CRBN: variants seen among roughly 807,000 people sequenced by gnomAD.
CRBN encodes cereblon, also known as protein cereblon.
Under a neutral mutation model 62.2 loss-of-function variants are expected in CRBN, and 53 were observed. That is an observed-to-expected ratio of 0.85 (90% CI 0.68 to 1.07). The LOEUF (loss-of-function observed/expected upper bound fraction) is 1.07. Among genes scored for constraint, CRBN ranks in the 50% least tolerant of loss-of-function variants. The probability of loss-of-function intolerance (pLI) is 0.00; values close to 1 mark genes in which losing one functional copy is unlikely to be tolerated. For missense variants in CRBN, 616 were observed against 531.1 expected (o/e 1.16, Z -1.57); for synonymous variants, 208 against 176.1 (o/e 1.18, Z -1.43).
chr3:3,172,878 T>A lies in CRBN; in HGVS notation c.425A>T (p.Tyr142Phe). 6.2e-7 allele frequency: 1 copy of A among 1,613,656 alleles called. No homozygotes were observed. Among genetic ancestry groups the A allele is most frequent in the Non-Finnish European group, 8.5e-7 (1 of 1,179,540 alleles). ...AAAATCCTGTTCTTCTCGATAGGCA[T>A]ATATCTCTGCTGTTGTTCCAAACTG... Reference protein sequence around the residue: ...EAQFGTTAEIYAYREEQDFGI... With the variant: ...EAQFGTTAEIFAYREEQDFGI... The change falls in exon 4 of 11, where the codon TAT becomes TTT. Residue 142 changes from tyrosine (Y) to phenylalanine (F), a missense_variant. Physicochemically the swap from Tyr to Phe is conservative, Grantham distance 22. Transcript: ENST00000231948.
chr3:3,150,679 T>TTA lies in CRBN; in HGVS notation c.*185_*186insTA. 1 of 591,708 alleles carries TTA rather than the reference T, an allele frequency of 1.7e-6. No individual in the cohort carries two copies. The highest frequency in any genetic ancestry group is 2.9e-6 in the Non-Finnish European group (1 of 342,788). 36.7% of individuals were successfully genotyped at this position (591,708 alleles called of 1,614,324 possible). A position where few individuals can be genotyped will look rare whatever the true frequency, so the allele number is the denominator to read the frequency against. On this transcript the variant is annotated 3_prime_UTR_variant, in exon 11 of 11. Transcript: ENST00000231948. ...ATTCTAGACTGCCGTTCATGCTTGT[T>TTA]TCCTAAAGTATACTTAAAAGTTTCA...
At chr3:3,165,725 T>C (rs1038664633) in intron 5 of CRBN, among the ~76,000 whole-genome samples, 18 of 152,172 alleles carry the variant, frequency 1.2e-4, no homozygotes, top group Non-Finnish European at 2.1e-4. Flanking sequence ...ACTTGTTTTA[T>C]TGCAGCAGTT....
At position 3,175,144 on chromosome 3, in the gene CRBN, C is replaced by A. The variant is rs1707780302; in HGVS notation, c.174+19G>T. 1 of 1,437,758 alleles carries A rather than the reference C, an allele frequency of 7.0e-7. No homozygotes were observed. Among genetic ancestry groups the A allele is most frequent in the Non-Finnish European group, 9.8e-7 (1 of 1,020,036 alleles). 89.1% of individuals were successfully genotyped at this position (1,437,758 alleles called of 1,614,324 possible). On this transcript the variant is annotated intron_variant, in intron 2 of 10. Coordinates refer to ENST00000231948, the MANE Select transcript of CRBN (RefSeq NM_016302.4). Reference sequence around the variant, plus strand: ...TAAATGTATATCTATTATATTAGATCTGTCACTAAATTACATACTGTATGT... The same window carrying A: ...TAAATGTATATCTATTATATTAGATATGTCACTAAATTACATACTGTATGT...
chr3:3,158,131 G>C (rs1229826829), intron 5 of CRBN, among the ~76,000 whole-genome samples: 1 of 152,172 alleles, frequency 6.6e-6, no homozygotes, highest in African/African-American at 2.4e-5. Flanking sequence ...TTCCAAAGAT[G>C]GGGTGGAGGA....
intron 5 of CRBN, among the ~76,000 whole-genome samples, chr3:3,161,168 G>A (rs1483777772): frequency 1.3e-5 from 2 of 151,808 alleles, no homozygotes; most frequent in African/African-American, 4.8e-5. Flanking sequence ...AAAAACAAAA[G>A]ACAAAAGACA....
At chr3:3,156,659 A>T in intron 5 of CRBN, 1 of 217,518 alleles carries the variant, frequency 4.6e-6, no homozygotes, top group Non-Finnish European at 9.2e-6. Flanking sequence ...TATAATCCAA[A>T]CTGTTTTTGT....
intron 7 of CRBN, chr3:3,154,352 ATAACT>A: frequency 2.1e-6 from 1 of 482,224 alleles, no homozygotes; most frequent in African/African-American, 1.9e-5. Context: ...GACTAGAAAA[ATAACT>A]AAACTATACC....
chr3:3,161,482 G>A (rs181431557), intron 5 of CRBN, among the ~76,000 whole-genome samples: 6 of 152,232 alleles, frequency 3.9e-5, no homozygotes, highest in East Asian at 3.9e-4. Context: ...CTCGCCTCCC[G>A]GGTTCCAGTG....
rs1707679668 is a variant in CRBN at position 3,172,922 on chromosome 3, A to G, written c.381T>C (p.Asn127=). 3 of 1,613,430 alleles carry G rather than the reference A, an allele frequency of 1.9e-6. No individual in the cohort carries two copies. Among genetic ancestry groups the G allele is most frequent in the Non-Finnish European group, 1.7e-6 (2 of 1,179,448 alleles). The part of the protein sequence containing the change: ...DRTFAVLAYS[N]VQEREAQFGT... ...CAAACTGTGCTTCCCTTTCCTGTAC[A>G]TTGCTTCCAAGAAAATTTTAAAAGG... The change falls in exon 4 of 11, where the codon AAT becomes AAC. Residue 127 remains asparagine, a synonymous_variant. Transcript: ENST00000231948.
chr3:3,174,100 A>T lies in CRBN; in HGVS notation c.336T>A (p.Asn112Lys). ...FHPQEVSMVR[N>K]LIQKDRTFAV... is the part of the protein sequence containing the mutation. ...CAAAGGTTCTATCTTTCTGAATTAAATTCCGCACCATACTGACTTCTTGAG... is the reference window on the plus strand; with the variant it reads ...CAAAGGTTCTATCTTTCTGAATTAATTTCCGCACCATACTGACTTCTTGAG... The change falls in exon 3 of 11, where the codon AAT (asparagine) becomes AAA (lysine). Residue 112 changes from asparagine to lysine, a missense_variant. By Grantham distance (94) the Asn-to-Lys change is moderately conservative. Coordinates refer to ENST00000231948, the MANE Select transcript of CRBN (RefSeq NM_016302.4). 1 of 1,614,214 alleles carries T rather than the reference A, an allele frequency of 6.2e-7. No homozygotes were observed.
intron 6 of CRBN, chr3:3,155,438 G>C (rs966259189): frequency 6.5e-6 from 1 of 153,672 alleles, no homozygotes; most frequent in Admixed American, 6.5e-5. Context: ...ATGCACACCA[G>C]GTACAATAGC....
intron 7 of CRBN, chr3:3,154,366 C>T (rs1706783169): frequency 1.1e-5 from 5 of 460,454 alleles, no homozygotes; most frequent in South Asian, 9.1e-5. Flanking sequence ...CTAAACTATA[C>T]CTTATAAACA....
chr3:3,174,787 GAA>G (rs1707763388), intron 2 of CRBN, among the ~76,000 whole-genome samples: 1 of 152,086 alleles, frequency 6.6e-6, no homozygotes, highest in Non-Finnish European at 1.5e-5. Flanking sequence ...CACAAACACA[GAA>G]ATTCAAGAAT....
rs115141343 is a variant in CRBN at position 3,169,650 on chromosome 3, T to C, written c.528-1857A>G. Among the ~76,000 whole-genome samples, 176 of 152,330 alleles carry C rather than the reference T, an allele frequency of 1.2e-3. 1 individual carries two copies. The highest frequency in any genetic ancestry group is 3.8e-3 in the African/African-American group (159 of 41,582). The stretch of plus-strand genomic sequence containing the variant: ...GCAGAACTGCTTCAATGGAAAGACC[T>C]TGGTCTCTCCAGATGAAAAATGAAT... On this transcript the variant is annotated intron_variant, in intron 4 of 10. Transcript: ENST00000231948.
At chr3:3,159,431 G>T (rs938698713) in intron 5 of CRBN, among the ~76,000 whole-genome samples, 1 of 152,110 alleles carries the variant, frequency 6.6e-6, no homozygotes, top group East Asian at 1.9e-4. Context: ...TAATACAAAA[G>T]AAATGTAAAA....
At position 3,174,046 on chromosome 3, in the gene CRBN, T is replaced by G. The variant is rs115124101; in HGVS notation, c.377+13A>C. 0.013 allele frequency: 20,682 copies of G among 1,606,866 alleles called. 319 individuals are homozygous for G. The highest frequency in any genetic ancestry group is 0.039 in the South Asian group (3,522 of 90,926). On this transcript the variant is annotated intron_variant, in intron 3 of 10. Transcript: ENST00000231948. ...GAGGGAATGTATTAAGCAAATGGAC[T>G]CTAATATTTTACCTGTATGCAAGAA...
chr3:3,174,259 G>A lies in CRBN; in HGVS notation c.177C>T (p.Tyr59=). 1 of 1,610,086 alleles carries A rather than the reference G, an allele frequency of 6.2e-7. No homozygotes were observed. Among genetic ancestry groups the A allele is most frequent in the South Asian group, 1.1e-5 (1 of 90,998 alleles). The change falls in exon 3 of 11, where the codon TAC becomes TAT. Residue 59 remains tyrosine (Y), a splice_region_variant and synonymous_variant. Coordinates refer to ENST00000231948, the MANE Select transcript of CRBN (RefSeq NM_016302.4). ...GAAATTCTTCCATATCAGCACCTAG[G>A]TACTATATAAAAACATATATAGGTA... is the stretch of plus-strand genomic sequence containing the variant. The part of the protein sequence containing the change: ...FDTSLPTSHT[Y]LGADMEEFHG...
chr3:3,153,669 T>A, intron 8 of CRBN, 181 bp from the exon 9 acceptor site: 1 of 627,966 alleles, frequency 1.6e-6, no homozygotes, highest in Non-Finnish European at 2.9e-6. Context: ...GAAACTGAGA[T>A]CTGCCACATA....
At chr3:3,169,757 T>G (rs1246929980) in intron 4 of CRBN, among the ~76,000 whole-genome samples, 1 of 152,216 alleles carries the variant, frequency 6.6e-6, no homozygotes, top group African/African-American at 2.4e-5. Context: ...ACTTTTTGAC[T>G]AACAATTATT....
Sources: allele counts gnomAD v4.1 joint callset (sites outside exome capture counted in the v4.1 genomes callset), GRCh38; gene constraint gnomAD v4.1.1; transcripts MANE v1.5; gene names NCBI Gene and HGNC (gene_info 2026-07-23, HGNC 2026-07-21).